The following SCAF11 variants were observed in gnomAD, a reference collection of about 807,000 sequenced individuals.
SCAF11 encodes the protein SR-related CTD associated factor 11, also known as protein SCAF11.
Under a neutral mutation model 140.5 loss-of-function variants are expected in SCAF11, and 47 were observed. The ratio of observed to expected loss-of-function variants is 0.33; its 90% CI spans 0.26 to 0.43. The LOEUF (loss-of-function observed/expected upper bound fraction) is 0.43, where lower values mean the gene tolerates loss of function less well. SCAF11 is among the 20% of genes least tolerant of loss of function. SCAF11 has a pLI of 1.00. For missense variants in SCAF11, 1,645 were observed against 1,705.1 expected, an observed-to-expected ratio of 0.96 and a Z score of 0.62; for synonymous variants, 557 against 579.4, an observed-to-expected ratio of 0.96 and a Z score of 0.55.
chr12:45,985,782 C>T (rs1946447544), intron 1 of SCAF11, among the ~76,000 whole-genome samples: 1 of 152,122 alleles, frequency 6.6e-6, no homozygotes. Flanking sequence ...TCTAGTTAAG[C>T]AATTAGAGAA....
chr12:45,955,958 G>A (rs1945681458), intron 3 of SCAF11: 1 of 624,594 alleles, frequency 1.6e-6, no homozygotes, highest in Admixed American at 2.5e-5. Flanking sequence ...TACTAAGGTT[G>A]TTGTATCAGT....
chr12:45,981,510 C>A (rs1946349719), intron 1 of SCAF11, among the ~76,000 whole-genome samples: 1 of 152,218 alleles, frequency 6.6e-6, no homozygotes, highest in Non-Finnish European at 1.5e-5. Context: ...AAACATCATT[C>A]TCCCATTTTC....
chr12:45,964,810 A>C (rs958883870), intron 1 of SCAF11, among the ~76,000 whole-genome samples: 1 of 152,222 alleles, frequency 6.6e-6, no homozygotes, highest in African/African-American at 2.4e-5. Context: ...AGAATGTGAT[A>C]GGTTAGATGT....
At chr12:45,922,269 AAAAC>A in intron 14 of SCAF11, 75 bp from the exon 15 acceptor site, 2 of 1,505,538 alleles carry the variant, frequency 1.3e-6, no homozygotes, top group South Asian at 1.3e-5. Context: ...AGCTTTGTGA[AAAAC>A]AACCCCAAAG....
rs771955431 is a variant in SCAF11, at chr12:45,948,460, A to G, written c.375T>C (p.His125=). 3.1e-6 allele frequency: 5 copies of G among 1,610,180 alleles called. No individual in the cohort carries two copies. The highest frequency in any genetic ancestry group is 1.7e-4 in the Middle Eastern group (1 of 6,030). The part of the protein sequence containing the change: ...ENSFEKQVSC[H]ENSKSCIRRK... The stretch of plus-strand genomic sequence containing the variant: ...ACCTTATACAGCTTTTAGAATTTTC[A>G]TGACAGGAGACCTGTTTCTCAAATG... Residue 125 remains histidine, a synonymous_variant, in exon 5 of 15, where the codon CAT becomes CAC. Coordinates refer to ENST00000369367, the MANE Select transcript of SCAF11 (RefSeq NM_004719.3).
At chr12:45,986,150 C>G (rs1425029605) in intron 1 of SCAF11, among the ~76,000 whole-genome samples, 1 of 152,142 alleles carries the variant, frequency 6.6e-6, no homozygotes, top group African/African-American at 2.4e-5. Context: ...GTTCCAATTA[C>G]CTGTATGGGA....
intron 2 of SCAF11, among the ~76,000 whole-genome samples, chr12:45,962,844 A>G (rs1205812073): frequency 6.6e-6 from 1 of 152,236 alleles, no homozygotes; most frequent in African/African-American, 2.4e-5. Context: ...CTCTGGAGGA[A>G]AGAATACCTA....
Position 45,919,324 on chromosome 12 carries a change from AG to A in SCAF11, c.*2723del, listed in dbSNP as rs1395485698. On this transcript the variant is annotated 3_prime_UTR_variant, in exon 15 of 15. Coordinates refer to ENST00000369367, the MANE Select transcript of SCAF11 (RefSeq NM_004719.3). ...AGCAGTACACACTGTGGCCATTTAA[AG>A]GAAGGTAAGAGAAAAAAATGTGATA... is the stretch of plus-strand genomic sequence containing the variant. 4 of 152,522 alleles carry A rather than the reference AG, an allele frequency of 2.6e-5. No homozygotes were observed. The highest frequency in any genetic ancestry group is 2.6e-4 in the Admixed American group (4 of 15,282). The allele number at this position is 152,522 out of a possible 1,614,324, so 9.4% of individuals were successfully genotyped here.
chr12:45,958,817 T>C (rs143749008), intron 3 of SCAF11, among the ~76,000 whole-genome samples: 8 of 152,324 alleles, frequency 5.3e-5, no homozygotes, highest in African/African-American at 1.9e-4. Flanking sequence ...AGTCCTTACA[T>C]AGCTTTTGTT....
chr12:45,940,842 G>A (rs190315424), intron 6 of SCAF11, among the ~76,000 whole-genome samples: 5 of 152,024 alleles, frequency 3.3e-5, no homozygotes, highest in East Asian at 1.9e-4. Context: ...TTACTCTGGC[G>A]CCCACGCTGG....
intron 1 of SCAF11, among the ~76,000 whole-genome samples, chr12:45,973,402 A>G (rs1396418907): frequency 6.6e-6 from 1 of 152,072 alleles, no homozygotes; most frequent in African/African-American, 2.4e-5. Context: ...AGTAGAAAGA[A>G]GAAGAAAAAG....
At chr12:45,958,786 C>G (rs1009114392) in intron 3 of SCAF11, among the ~76,000 whole-genome samples, 2 of 152,154 alleles carry the variant, frequency 1.3e-5, no homozygotes, top group African/African-American at 4.8e-5. Context: ...TACCCAAAGA[C>G]TTTTTACTTA....
intron 6 of SCAF11, among the ~76,000 whole-genome samples, chr12:45,935,272 C>CT (rs1376697596): frequency 1.3e-5 from 2 of 152,198 alleles, no homozygotes; most frequent in Non-Finnish European, 2.9e-5. Context: ...TAATAGCCTA[C>CT]TTTCTACTTA....
chr12:45,928,699 C>T lies in SCAF11; in HGVS notation c.1002G>A (p.Gln334=), dbSNP rs1298628349. ...TGTCTGATATTGGGGATCTCTGAGA[C>T]TGACTGGCTGTTTCAGCTCTTGTGT... ...TRNTRAETAS[Q]SQRSPISDNS... The change falls in exon 11 of 15, where the codon CAG becomes CAA. Residue 334 remains glutamine (Q), a synonymous_variant. Coordinates refer to ENST00000369367, the MANE Select transcript of SCAF11 (RefSeq NM_004719.3). 3 of 1,614,040 alleles carry T rather than the reference C, an allele frequency of 1.9e-6. No individual in the cohort carries two copies. In the East Asian group the frequency reaches 6.7e-5, roughly 36 times the overall value.
chr12:45,961,178 C>T, intron 3 of SCAF11: 1 of 591,420 alleles, frequency 1.7e-6, no homozygotes, highest in Non-Finnish European at 3.1e-6. Flanking sequence ...ACTTCTGCCT[C>T]TTAAACTATG....
intron 1 of SCAF11, among the ~76,000 whole-genome samples, chr12:45,986,681 C>T (rs1946466864): frequency 6.6e-6 from 1 of 152,160 alleles, no homozygotes; most frequent in African/African-American, 2.4e-5. Flanking sequence ...TCCCATAATT[C>T]CCACGTGTTG....
At chr12:45,936,412 G>A (rs1208475565) in intron 6 of SCAF11, among the ~76,000 whole-genome samples, 2 of 152,124 alleles carry the variant, frequency 1.3e-5, no homozygotes, top group East Asian at 3.8e-4. Context: ...AAAGTGCTGG[G>A]ATCACAGGCA....
chr12:45,938,166 G>A (rs750025946), intron 6 of SCAF11, among the ~76,000 whole-genome samples: 8 of 152,006 alleles, frequency 5.3e-5, no homozygotes, highest in Non-Finnish European at 1.0e-4. Flanking sequence ...CAGCTTTCTT[G>A]TCTTTGTGGC....
At chr12:45,958,816 A>G (rs1178145285) in intron 3 of SCAF11, among the ~76,000 whole-genome samples, 1 of 152,212 alleles carries the variant, frequency 6.6e-6, no homozygotes, top group Non-Finnish European at 1.5e-5. Flanking sequence ...AAGTCCTTAC[A>G]TAGCTTTTGT....
Sources: allele counts gnomAD v4.1 joint callset (sites outside exome capture counted in the v4.1 genomes callset), GRCh38; gene constraint gnomAD v4.1.1; transcripts MANE v1.5; gene names NCBI Gene and HGNC (gene_info 2026-07-23, HGNC 2026-07-21).